ABAT: variants seen among roughly 807,000 people sequenced by gnomAD.
ABAT encodes the protein 4-aminobutyrate aminotransferase, mitochondrial.
In ABAT, 45 loss-of-function variants were observed where a neutral mutation model predicts 64.6. The observed-to-expected ratio is 0.70, with a 90% CI of 0.55 to 0.89. The LOEUF (loss-of-function observed/expected upper bound fraction) is 0.89, where lower values mean the gene tolerates loss of function less well. Ranked by LOEUF, ABAT falls within the 40% of genes least tolerant of loss-of-function variation. The pLI, the probability that ABAT is intolerant of heterozygous loss-of-function variation, is 0.00. For missense variants in ABAT, 633 were observed against 658.4 expected (o/e 0.96, Z 0.42); for synonymous variants, 297 against 250.5 (o/e 1.19, Z -1.75).
chr16:8,689,886 G>A lies in ABAT; in HGVS notation c.-42+15175G>A, dbSNP rs752011846. Among the ~76,000 whole-genome samples the A allele has an allele frequency of 2.9e-4, 44 of 152,192 alleles. 1 individual carries two copies. The highest frequency in any genetic ancestry group is 5.0e-4 in the Non-Finnish European group (34 of 68,038). On this transcript the variant is annotated intron_variant, in intron 1 of 15. Transcript: ENST00000268251. Reference sequence around the variant, plus strand: ...AGGTGCTATGCACAGAAATTGGAATGGTGATAGGGACCAGACCTCAAGGCC... The same window carrying A: ...AGGTGCTATGCACAGAAATTGGAATAGTGATAGGGACCAGACCTCAAGGCC...
chr16:8,729,022 A>G (rs2142289541), intron 1 of ABAT, among the ~76,000 whole-genome samples: 1 of 152,086 alleles, frequency 6.6e-6, no homozygotes, highest in South Asian at 2.1e-4. Flanking sequence ...AACAATAGCT[A>G]GGGGCCGGGC....
intron 2 of ABAT, among the ~76,000 whole-genome samples, chr16:8,741,649 AT>A (rs1341528977): frequency 6.6e-6 from 1 of 152,290 alleles, no homozygotes; most frequent in Admixed American, 6.5e-5. Flanking sequence ...TGTCCCTTCA[AT>A]TTTTGTTCTG....
chr16:8,737,979 AGGAAGGAAGGAG>A (rs1467893405), intron 2 of ABAT, among the ~76,000 whole-genome samples: 5 of 83,668 alleles, frequency 6.0e-5, no homozygotes, highest in Admixed American at 1.2e-4. Context: ...GAAGGAAGGA[AGGAAGGAAGGAG>A]GAAAGAAAGA....
chr16:8,738,694 T>C (rs1270582923), intron 2 of ABAT, among the ~76,000 whole-genome samples: 1 of 147,894 alleles, frequency 6.8e-6, no homozygotes, highest in Non-Finnish European at 1.5e-5. Context: ...CAGGCTGGAG[T>C]GGTGCCGTGG....
chr16:8,733,986 T>C (rs2058837290), intron 1 of ABAT, among the ~76,000 whole-genome samples: 1 of 152,196 alleles, frequency 6.6e-6, no homozygotes, highest in South Asian at 2.1e-4. Flanking sequence ...TTTTTAAGGC[T>C]GCATAATATT....
At chr16:8,700,180 G>T (rs2057788459) in intron 1 of ABAT, among the ~76,000 whole-genome samples, 1 of 152,166 alleles carries the variant, frequency 6.6e-6, no homozygotes, top group African/African-American at 2.4e-5. Context: ...GTAGGATACA[G>T]ACATGAGTAT....
At position 8,746,032 on chromosome 16, in the gene ABAT, A is replaced by T. The variant is rs2059318026; in HGVS notation, c.102A>T (p.Lys34Asn). ...GSRHISQAAA[K>N]VDVEFDYDGP... is the part of the protein sequence containing the mutation. ...GACACATTAGTCAAGCTGCAGCCAA[A>T]GTCGACGTTGAATTTGATTATGATG... Residue 34 changes from lysine to asparagine, a missense_variant, in exon 3 of 16, where the codon AAA becomes AAT. Lys to Asn is a moderately conservative substitution (Grantham distance 94, BLOSUM62 0). Transcript: ENST00000268251. 1.2e-6 allele frequency: 2 copies of T among 1,613,724 alleles called. No homozygotes were observed. The highest frequency in any genetic ancestry group is 1.7e-6 in the Non-Finnish European group (2 of 1,179,888).
intron 2 of ABAT, among the ~76,000 whole-genome samples, chr16:8,742,355 A>C (rs570482171): frequency 6.6e-6 from 1 of 152,320 alleles, no homozygotes; most frequent in East Asian, 1.9e-4. Context: ...ATGTCAAGAC[A>C]CTTTCTGGAG....
intron 6 of ABAT, among the ~76,000 whole-genome samples, chr16:8,762,744 C>G (rs2059833713): frequency 6.6e-6 from 1 of 152,104 alleles, no homozygotes; most frequent in Admixed American, 6.6e-5. Context: ...TTGCTTCCAC[C>G]CTATTCTCAT....
chr16:8,701,624 C>G (rs1322283007), intron 1 of ABAT, among the ~76,000 whole-genome samples: 6 of 152,218 alleles, frequency 3.9e-5, no homozygotes, highest in African/African-American at 1.4e-4. Flanking sequence ...TTCCCCAAAC[C>G]TTAATGATCA....
chr16:8,675,200 C>G (rs1304830987), intron 1 of ABAT, among the ~76,000 whole-genome samples: 1 of 151,996 alleles, frequency 6.6e-6, no homozygotes, highest in Non-Finnish European at 1.5e-5. Context: ...AATCCCGGAG[C>G]AGAGACTCTG....
At chr16:8,724,184 T>C (rs1195348116) in intron 1 of ABAT, among the ~76,000 whole-genome samples, 1 of 151,886 alleles carries the variant, frequency 6.6e-6, no homozygotes, top group Non-Finnish European at 1.5e-5. Flanking sequence ...ACCACCTCCA[T>C]GCACAACCCA....
intron 12 of ABAT, 62 bp from the exon 13 acceptor site, chr16:8,774,828 G>A (rs1161298141): frequency 1.2e-6 from 2 of 1,602,528 alleles, no homozygotes; most frequent in Non-Finnish European, 1.7e-6. Flanking sequence ...TGGCTATGGA[G>A]GGCATGAATT....
rs542845675 is a variant in ABAT at position 8,720,362 on chromosome 16, C to T, written c.-41-15337C>T. 2.8e-4 allele frequency among the ~76,000 whole-genome samples: 42 copies of T among 152,362 alleles called. 1 individual carries two copies. The South Asian group carries it at 3.9e-3, about 14-fold the overall frequency. On this transcript the variant is annotated intron_variant, in intron 1 of 15. Coordinates refer to ENST00000268251, the MANE Select transcript of ABAT (RefSeq NM_020686.6). The stretch of plus-strand genomic sequence containing the variant: ...CAATTTCTGGCTCTTGTTACTTTCC[C>T]CACATCATTCTCAGTCTTTCTTAGG...
At chr16:8,691,671 T>A (rs1247595015) in intron 1 of ABAT, among the ~76,000 whole-genome samples, 3 of 150,672 alleles carry the variant, frequency 2.0e-5, no homozygotes, top group African/African-American at 7.3e-5. Flanking sequence ...AAACTCCTGA[T>A]CTCAGGCGAT....
In ABAT at chr16:8,776,337, A is replaced by G. The variant is rs747095411; in HGVS notation, c.1123-7A>G. ...TGAAGCCTTCCAACACCCGTTCCTC[A>G]TTCCAGCCCTACCGGATCTTCAACA... On this transcript the variant is annotated splice_region_variant and splice_polypyrimidine_tract_variant and intron_variant, in intron 13 of 15. Transcript: ENST00000268251. This position sits in a 1 kb window ranked among gnomAD's most constrained non-coding sequence, Gnocchi z 4.4. 8 of 1,614,048 alleles carry G rather than the reference A, an allele frequency of 5.0e-6. No homozygotes were observed. The highest frequency in any genetic ancestry group is 6.8e-6 in the Non-Finnish European group (8 of 1,180,026).
chr16:8,729,576 T>A (rs2058659160), intron 1 of ABAT, among the ~76,000 whole-genome samples: 1 of 152,032 alleles, frequency 6.6e-6, no homozygotes, highest in African/African-American at 2.4e-5. Flanking sequence ...TCCCAGCACT[T>A]CAGGAGCCAA....
Position 8,780,870 on chromosome 16 carries a change from T to C in ABAT, c.1382-439T>C, listed in dbSNP as rs1596475301. 2.1e-5 allele frequency: 8 copies of C among 380,174 alleles called. No individual in the cohort carries two copies. In the East Asian group the frequency reaches 4.6e-4, roughly 22 times the overall value. 23.6% of individuals were successfully genotyped at this position (380,174 alleles called of 1,614,324 possible). ...AGCAGAGCCTGTCCCTCCTCCGTAA[T>C]AGCTCAGCACCTCACACATGCTTCC... On this transcript the variant is annotated intron_variant, in intron 15 of 15. Transcript: ENST00000268251.
chr16:8,724,919 T>TTTTTC (rs2058497633), intron 1 of ABAT, among the ~76,000 whole-genome samples: 1 of 95,524 alleles, frequency 1.0e-5, no homozygotes, highest in Non-Finnish European at 2.1e-5. Context: ...ATCTCTTTTT[T>TTTTTC]CTTTTTTTTT....
Sources: gnomAD v4.1 joint callset for allele counts (sites outside exome capture counted in the v4.1 genomes callset) on GRCh38, gnomAD v4.1.1 for gene constraint, Gnocchi (gnomAD v3.1) non-coding constraint, MANE v1.5 for transcripts, NCBI Gene and HGNC (gene_info 2026-07-23, HGNC 2026-07-21) for gene names.